The following KCNT2 variants were observed in gnomAD, a reference collection of about 807,000 sequenced individuals.
KCNT2 encodes potassium channel subfamily T member 2.
A neutral mutation model predicts 153.8 loss-of-function variants in KCNT2; 67 were observed. The ratio of observed to expected loss-of-function variants is 0.44; its 90% CI spans 0.36 to 0.53. KCNT2 has a LOEUF of 0.53. Among genes scored for constraint, KCNT2 ranks in the 20% least tolerant of loss-of-function variants. KCNT2 has a pLI of 0.00. For synonymous variants in KCNT2, 500 were observed against 458.8 expected (o/e 1.09, Z -1.15); for missense variants, 975 against 1,354.8 (o/e 0.72, Z 4.40).
At position 196,516,808 on chromosome 1, in the gene KCNT2, C is replaced by T. The variant is rs186345260; in HGVS notation, c.96-24467G>A. Among the ~76,000 whole-genome samples, 100 of 152,310 alleles carry T rather than the reference C, an allele frequency of 6.6e-4. 3 individuals are homozygous for T. In the East Asian group the frequency reaches 0.019, roughly 28 times the overall value. The stretch of plus-strand genomic sequence containing the variant: ...GCTGCCATCTTTGCTGTTTTGCAGT[C>T]TTCACTGTTGATACCTTCAGGTACT... On this transcript the variant is annotated intron_variant, in intron 1 of 27. Coordinates refer to ENST00000294725, the MANE Select transcript of KCNT2 (RefSeq NM_198503.5).
rs564056262 is a variant in KCNT2, at chr1:196,279,484, G to A, written c.2910+1376C>T. Among the ~76,000 whole-genome samples, 1,009 of 151,932 alleles carry A rather than the reference G, an allele frequency of 6.6e-3. 4 individuals are homozygous for A. Among genetic ancestry groups the A allele is most frequent in the South Asian group, 0.012 (58 of 4,800 alleles). On this transcript the variant is annotated intron_variant, in intron 25 of 27. Coordinates refer to ENST00000294725, the MANE Select transcript of KCNT2 (RefSeq NM_198503.5). ...GTCACCCAGGCTGGAGTGCAGTGGC[G>A]TGATCTTGGCTCACTGCAACCTCCG...
At chr1:196,282,926 C>T (rs938431665) in intron 23 of KCNT2, among the ~76,000 whole-genome samples, 23 of 152,120 alleles carry the variant, frequency 1.5e-4, no homozygotes, top group African/African-American at 5.3e-4. Context: ...CTCACTGCAG[C>T]CTCCGCCTCC....
intron 5 of KCNT2, among the ~76,000 whole-genome samples, chr1:196,475,977 T>C (rs1678498468): frequency 6.6e-6 from 1 of 152,216 alleles, no homozygotes; most frequent in Non-Finnish European, 1.5e-5. Context: ...TCTTACAATT[T>C]TCTGCTCTAA....
chr1:196,506,434 T>C (rs1401965344), intron 1 of KCNT2, among the ~76,000 whole-genome samples: 6 of 152,176 alleles, frequency 3.9e-5, no homozygotes, highest in Non-Finnish European at 8.8e-5. Flanking sequence ...AATCATTTAC[T>C]TGGGAAAAAT....
intron 5 of KCNT2, among the ~76,000 whole-genome samples, chr1:196,477,242 A>T (rs1678617658): frequency 6.6e-6 from 1 of 152,214 alleles, no homozygotes; most frequent in African/African-American, 2.4e-5. Context: ...CTCTAAATTT[A>T]GAACTAAATA....
intron 1 of KCNT2, among the ~76,000 whole-genome samples, chr1:196,525,436 AC>A (rs1654045353): frequency 6.6e-6 from 1 of 152,184 alleles, no homozygotes; most frequent in African/African-American, 2.4e-5. Context: ...TGCTACTGTT[AC>A]TAAGTGCAAG....
At chr1:196,334,977 T>A (rs1664876572) in intron 16 of KCNT2, among the ~76,000 whole-genome samples, 1 of 152,130 alleles carries the variant, frequency 6.6e-6, no homozygotes, top group Non-Finnish European at 1.5e-5. Context: ...TGGCTTAAGG[T>A]TATTGAATAC....
At chr1:196,509,453 G>A (rs186272883) in intron 1 of KCNT2, among the ~76,000 whole-genome samples, 79 of 152,150 alleles carry the variant, frequency 5.2e-4, no homozygotes, top group African/African-American at 1.7e-3. Flanking sequence ...GTTACCTAAC[G>A]TTGAATAAAA....
At chr1:196,562,655 A>G (rs1263767068) in intron 1 of KCNT2, among the ~76,000 whole-genome samples, 2 of 151,644 alleles carry the variant, frequency 1.3e-5, no homozygotes, top group African/African-American at 4.8e-5. Flanking sequence ...ATTGGTCATG[A>G]TATCGTTGAT....
At chr1:196,560,232 G>C (rs1251472863) in intron 1 of KCNT2, among the ~76,000 whole-genome samples, 1 of 151,782 alleles carries the variant, frequency 6.6e-6, no homozygotes, top group South Asian at 2.1e-4. Flanking sequence ...TAAAAGGAAT[G>C]TTATGCAAAA....
At chr1:196,392,441 T>C (rs1670573535) in intron 13 of KCNT2, among the ~76,000 whole-genome samples, 2 of 151,392 alleles carry the variant, frequency 1.3e-5, no homozygotes, top group African/African-American at 4.8e-5. Flanking sequence ...ACTCTAAGCA[T>C]TATGTTCTTA....
chr1:196,556,764 G>T (rs1311887432), intron 1 of KCNT2, among the ~76,000 whole-genome samples: 1 of 151,414 alleles, frequency 6.6e-6, no homozygotes, highest in African/African-American at 2.4e-5. Flanking sequence ...TAAAGAAAAT[G>T]TGATACTTAC....
intron 1 of KCNT2, among the ~76,000 whole-genome samples, chr1:196,506,320 T>C (rs1681134990): frequency 6.6e-6 from 1 of 152,156 alleles, no homozygotes; most frequent in Non-Finnish European, 1.5e-5. Flanking sequence ...TCATAACTTT[T>C]ATAGTGTGTT....
chr1:196,547,503 A>G (rs1227734200), intron 1 of KCNT2, among the ~76,000 whole-genome samples: 1 of 152,056 alleles, frequency 6.6e-6, no homozygotes, highest in African/African-American at 2.4e-5. Flanking sequence ...CTTCTTGTAA[A>G]GAAACATTTA....
At chr1:196,265,794 T>C (rs754429886) in intron 25 of KCNT2, among the ~76,000 whole-genome samples, 4 of 152,084 alleles carry the variant, frequency 2.6e-5, no homozygotes, top group Admixed American at 6.6e-5. Context: ...CCCACAGTTA[T>C]AGAGAAAAGC....
chr1:196,305,166 A>T lies in KCNT2; in HGVS notation c.2595+68T>A. The T allele has an allele frequency of 3.3e-6, 3 of 897,490 alleles. No individual in the cohort carries two copies. In the Admixed American group the frequency reaches 5.9e-5, roughly 18 times the overall value. 55.6% of individuals were successfully genotyped at this position (897,490 alleles called of 1,614,324 possible). ...TACTATCTCATGGCATTTTTTTTATATATTTACAGAGTTAATTTCTGAATA... is the reference window on the plus strand; with the variant it reads ...TACTATCTCATGGCATTTTTTTTATTTATTTACAGAGTTAATTTCTGAATA... On this transcript the variant is annotated intron_variant, in intron 22 of 27. Coordinates refer to ENST00000294725, the MANE Select transcript of KCNT2 (RefSeq NM_198503.5).
At chr1:196,228,991 T>A (rs1429743535) in intron 27 of KCNT2, among the ~76,000 whole-genome samples, 1 of 152,118 alleles carries the variant, frequency 6.6e-6, no homozygotes, top group Non-Finnish European at 1.5e-5. Context: ...AGAATAATTC[T>A]TAATTAATTC....
At chr1:196,515,250 A>C (rs1027394517) in intron 1 of KCNT2, among the ~76,000 whole-genome samples, 1 of 152,196 alleles carries the variant, frequency 6.6e-6, no homozygotes, top group African/African-American at 2.4e-5. Context: ...GAGGCTTGCA[A>C]ATAGAACTGA....
chr1:196,417,146 A>G (rs943152029), intron 12 of KCNT2, among the ~76,000 whole-genome samples: 1 of 152,164 alleles, frequency 6.6e-6, no homozygotes, highest in Non-Finnish European at 1.5e-5. Flanking sequence ...GACCAAATCC[A>G]GCCTGCCACT....
Sources: gnomAD v4.1 joint callset for allele counts (sites outside exome capture counted in the v4.1 genomes callset) on GRCh38, gnomAD v4.1.1 for gene constraint, MANE v1.5 for transcripts, NCBI Gene and HGNC (gene_info 2026-07-23, HGNC 2026-07-21) for gene names.